Variants in NFIB observed in about 807,000 individuals in gnomAD.
NFIB encodes nuclear factor 1 B-type.
A neutral mutation model predicts 61.5 loss-of-function variants in NFIB; 11 were observed. The observed-to-expected ratio is 0.18, with a 90% confidence interval of 0.11 to 0.30. NFIB has a LOEUF of 0.30. Among genes scored for constraint, NFIB ranks in the 10% least tolerant of loss-of-function variants. The probability of loss-of-function intolerance (pLI) is 1.00; values close to 1 mark genes in which losing one functional copy is unlikely to be tolerated. For missense variants in NFIB, 471 were observed against 608.9 expected (o/e 0.77, Z 2.38); for synonymous variants, 260 against 216.5 (o/e 1.20, Z -1.76).
chr9:14,261,038 C>T (rs747150688), intron 2 of NFIB, among the ~76,000 whole-genome samples: 26 of 152,124 alleles, frequency 1.7e-4, no homozygotes, highest in Admixed American at 3.3e-4. Flanking sequence ...GAAAAGGGGC[C>T]GGGCACAGTG....
intron 2 of NFIB, among the ~76,000 whole-genome samples, chr9:14,203,713 G>C (rs1359631183): frequency 6.6e-6 from 1 of 152,224 alleles, no homozygotes; most frequent in Non-Finnish European, 1.5e-5. Flanking sequence ...AAGTCAAAAT[G>C]TGTATTTCCC....
the NFIB span, among the ~76,000 whole-genome samples, chr9:14,521,161 C>T: frequency 6.6e-6 from 1 of 152,200 alleles, no homozygotes; most frequent in Non-Finnish European, 1.5e-5. Flanking sequence ...GTTCTCCACC[C>T]TTTCAAATTT....
intron 10 of NFIB, among the ~76,000 whole-genome samples, chr9:14,099,121 A>G (rs1192127312): frequency 1.3e-5 from 2 of 152,228 alleles, no homozygotes; most frequent in African/African-American, 4.8e-5. Context: ...TTGTACAAAG[A>G]AAGTAATGAC....
the NFIB span, among the ~76,000 whole-genome samples, chr9:14,462,041 G>A: frequency 6.6e-6 from 1 of 152,190 alleles, no homozygotes; most frequent in Admixed American, 6.5e-5. Context: ...CTCCTGGGCA[G>A]AGTGTCCTAA....
chr9:14,202,367 G>A (rs1453599574), intron 2 of NFIB, among the ~76,000 whole-genome samples: 2 of 152,056 alleles, frequency 1.3e-5, no homozygotes, highest in Middle Eastern at 3.2e-3. Flanking sequence ...AAAATTCTCC[G>A]ACTTCCATTA....
At chr9:14,190,535 C>T (rs1219569759) in intron 2 of NFIB, among the ~76,000 whole-genome samples, 1 of 151,964 alleles carries the variant, frequency 6.6e-6, no homozygotes, top group African/African-American at 2.4e-5. Context: ...AACTTCTGTC[C>T]CCATGTTTTC....
intron 2 of NFIB, among the ~76,000 whole-genome samples, chr9:14,287,121 T>C (rs150877244): frequency 6.8e-4 from 104 of 152,136 alleles, no homozygotes; most frequent in African/African-American, 2.4e-3. Flanking sequence ...CCTTAAAAGA[T>C]TGAAAGCTAC....
At chr9:14,510,267 T>C in the NFIB span, among the ~76,000 whole-genome samples, 2 of 152,128 alleles carry the variant, frequency 1.3e-5, no homozygotes, top group East Asian at 3.8e-4. Context: ...CAATTAGCAA[T>C]AAGAACTCTG....
the NFIB span, among the ~76,000 whole-genome samples, chr9:14,488,262 C>A: frequency 1.4e-4 from 22 of 151,892 alleles, no homozygotes; most frequent in African/African-American, 4.8e-4. Flanking sequence ...ACTCAAGGGG[C>A]TGCAGTGGGA....
chr9:14,238,388 A>T (rs1418307861), intron 2 of NFIB, among the ~76,000 whole-genome samples: 2 of 152,228 alleles, frequency 1.3e-5, no homozygotes, highest in Admixed American at 6.5e-5. Context: ...AGTCTTGTGA[A>T]GAGTTTAATA....
intron 1 of NFIB, among the ~76,000 whole-genome samples, chr9:14,352,107 TAAAGA>T (rs2061119701): frequency 6.6e-6 from 1 of 152,112 alleles, no homozygotes; most frequent in Non-Finnish European, 1.5e-5. Flanking sequence ...GCAGCAACGC[TAAAGA>T]GCATCATTAA....
At chr9:14,274,445 G>A (rs1397110842) in intron 2 of NFIB, among the ~76,000 whole-genome samples, 2 of 152,166 alleles carry the variant, frequency 1.3e-5, no homozygotes, top group African/African-American at 4.8e-5. Context: ...TCAGTCTGAT[G>A]TAAGTAAATT....
upstream of NFIB, among the ~76,000 whole-genome samples, chr9:14,316,308 C>A (rs988058775): frequency 2.0e-5 from 3 of 152,210 alleles, no homozygotes; most frequent in Admixed American, 2.0e-4. Flanking sequence ...CCAGCTGCAG[C>A]CCCCGTAAAC....
At chr9:14,156,382 G>A (rs749741105) in intron 3 of NFIB, among the ~76,000 whole-genome samples, 1 of 152,308 alleles carries the variant, frequency 6.6e-6, no homozygotes, top group South Asian at 2.1e-4. Context: ...CCCGACCCTT[G>A]TTCCAGGGTC....
At chr9:14,243,389 A>C (rs1563937761) in intron 2 of NFIB, among the ~76,000 whole-genome samples, 1 of 152,208 alleles carries the variant, frequency 6.6e-6, no homozygotes, top group Non-Finnish European at 1.5e-5. Context: ...ATTCCAAAAC[A>C]AATCTGGATA....
At chr9:14,289,139 T>TATAC (rs1554703246) in intron 2 of NFIB, among the ~76,000 whole-genome samples, 50 of 143,734 alleles carry the variant, frequency 3.5e-4, no homozygotes, top group African/African-American at 1.3e-3. Flanking sequence ...TATATATATA[T>TATAC]ACATATATAT....
chr9:14,495,662 G>T, the NFIB span, among the ~76,000 whole-genome samples: 9 of 151,856 alleles, frequency 5.9e-5, no homozygotes, highest in East Asian at 1.7e-3. Context: ...AAAATAAGAA[G>T]GTCTGCTTGA....
chr9:14,315,347 G>A (rs1450833664), upstream of NFIB, among the ~76,000 whole-genome samples: 3 of 150,800 alleles, frequency 2.0e-5, no homozygotes, highest in South Asian at 2.1e-4. Context: ...CGGGAGGACC[G>A]GGCCGAGCCG....
At chr9:14,474,242 G>A in the NFIB span, among the ~76,000 whole-genome samples, 2 of 152,162 alleles carry the variant, frequency 1.3e-5, no homozygotes, top group Non-Finnish European at 2.9e-5. Context: ...CTAGATCAAA[G>A]TGCTGGCACA....
Sources: allele counts gnomAD v4.1 joint callset (sites outside exome capture counted in the v4.1 genomes callset), GRCh38; gene constraint gnomAD v4.1.1; transcripts MANE v1.5; gene names NCBI Gene and HGNC (gene_info 2026-07-23, HGNC 2026-07-21).